Variants in DAAM1 observed in about 807,000 individuals in gnomAD.
The protein encoded by DAAM1 is disheveled-associated activator of morphogenesis 1.
A neutral mutation model predicts 130.0 loss-of-function variants in DAAM1; 52 were observed. The ratio of observed to expected loss-of-function variants is 0.40; its 90% confidence interval spans 0.32 to 0.50. The LOEUF is 0.50. Ranked by LOEUF, DAAM1 falls within the 20% of genes least tolerant of loss-of-function variation. The pLI, the probability that DAAM1 is intolerant of heterozygous loss-of-function variation, is 0.61. For synonymous variants in DAAM1, 452 were observed against 444.5 expected, an observed-to-expected ratio of 1.02 and a Z score of -0.21; for missense variants, 1,134 against 1,303.8, an observed-to-expected ratio of 0.87 and a Z score of 2.01.
chr14:59,320,407 A>C lies in DAAM1; in HGVS notation c.346-83A>C, dbSNP rs575068333. The C allele has an allele frequency of 2.5e-4, 271 of 1,075,934 alleles. 2 individuals are homozygous for C. In the East Asian group the frequency reaches 6.7e-3, roughly 27 times the overall value. 66.6% of individuals were successfully genotyped at this position (1,075,934 alleles called of 1,614,324 possible). A position where few individuals can be genotyped will look rare whatever the true frequency, so the allele number is the denominator to read the frequency against. On this transcript the variant is annotated intron_variant, in intron 4 of 24. Transcript: ENST00000360909. ...GTTGTTTATATTTAAAGTGATAGTG[A>C]CAAATAATCTGTAGGTTTGTCTTGT...
At chr14:59,293,775 A>G (rs1347503892) in intron 3 of DAAM1, among the ~76,000 whole-genome samples, 2 of 152,236 alleles carry the variant, frequency 1.3e-5, no homozygotes, top group African/African-American at 4.8e-5. Flanking sequence ...TCACTGCAAT[A>G]AATTGGGAAA....
chr14:59,292,234 CTT>C (rs1355568596), intron 3 of DAAM1, among the ~76,000 whole-genome samples: 1 of 152,218 alleles, frequency 6.6e-6, no homozygotes, highest in Non-Finnish European at 1.5e-5. Flanking sequence ...GCAGTGGACA[CTT>C]TGATGACTCA....
At position 59,238,097 on chromosome 14, in the gene DAAM1, A is replaced by G. The variant is rs111697752; in HGVS notation, c.-37-25344A>G. ...GTGTTTTATGTTTTTTTAAAATGAG[A>G]TGTCTTCATGACCTTGTAAATGAGA... On this transcript the variant is annotated intron_variant, in intron 1 of 24. Coordinates refer to ENST00000360909, the MANE Select transcript of DAAM1 (RefSeq NM_001270520.2). 1.6e-3 allele frequency among the ~76,000 whole-genome samples: 250 copies of G among 152,174 alleles called. 2 individuals carry two copies. Among genetic ancestry groups the G allele is most frequent in the African/African-American group, 5.6e-3 (232 of 41,522 alleles).
At chr14:59,278,528 G>GT (rs1883070663) in intron 2 of DAAM1, among the ~76,000 whole-genome samples, 1 of 152,064 alleles carries the variant, frequency 6.6e-6, no homozygotes, top group Non-Finnish European at 1.5e-5. Flanking sequence ...TTGGCTAGAG[G>GT]TAACTGAAAT....
chr14:59,288,765 C>CT (rs1289192341), intron 2 of DAAM1, among the ~76,000 whole-genome samples: 1 of 150,836 alleles, frequency 6.6e-6, no homozygotes, highest in Non-Finnish European at 1.5e-5. Context: ...GGAAGCATGA[C>CT]TGGGGGGCCT....
At chr14:59,235,054 A>G (rs951814885) in intron 1 of DAAM1, among the ~76,000 whole-genome samples, 1 of 152,020 alleles carries the variant, frequency 6.6e-6, no homozygotes, top group Non-Finnish European at 1.5e-5. Context: ...CCAGTATTTT[A>G]TTGAGGATTT....
At chr14:59,244,456 C>G (rs1049105941) in intron 1 of DAAM1, among the ~76,000 whole-genome samples, 2 of 152,078 alleles carry the variant, frequency 1.3e-5, no homozygotes, top group Non-Finnish European at 2.9e-5. Flanking sequence ...CTTGAGAAGC[C>G]GGGGGTGTAT....
At chr14:59,270,360 G>A (rs905699204) in intron 2 of DAAM1, among the ~76,000 whole-genome samples, 5 of 152,180 alleles carry the variant, frequency 3.3e-5, no homozygotes, top group Admixed American at 6.5e-5. Context: ...GAGATCACGT[G>A]GCCAGAGAAG....
chr14:59,271,230 T>C (rs1393640998), intron 2 of DAAM1, among the ~76,000 whole-genome samples: 4 of 152,166 alleles, frequency 2.6e-5, no homozygotes, highest in Admixed American at 2.0e-4. Flanking sequence ...ATGTAAAATA[T>C]TTTAAAGAAA....
chr14:59,362,148 C>T (rs1453585886), intron 22 of DAAM1: 1 of 151,708 alleles, frequency 6.6e-6, no homozygotes, highest in Non-Finnish European at 1.5e-5. Context: ...GCTCTGACCC[C>T]TGCTTCTGAG....
rs28687670 is a variant in DAAM1 at position 59,256,112 on chromosome 14, A to G, written c.-37-7329A>G. On this transcript the variant is annotated intron_variant, in intron 1 of 24. Coordinates refer to ENST00000360909, the MANE Select transcript of DAAM1 (RefSeq NM_001270520.2). ...TGATGGATCAATTAAAATAGTCTGC[A>G]TATCAGCAAAAATCTGTTTTGTTTA... is the stretch of plus-strand genomic sequence containing the variant. Among the ~76,000 whole-genome samples the G allele has an allele frequency of 2.4e-3, 371 of 152,352 alleles. 1 individual carries two copies. Among genetic ancestry groups the G allele is most frequent in the African/African-American group, 8.4e-3 (351 of 41,588 alleles).
chr14:59,318,947 T>C (rs770054928), intron 4 of DAAM1, among the ~76,000 whole-genome samples: 3 of 152,182 alleles, frequency 2.0e-5, no homozygotes, highest in African/African-American at 4.8e-5. Context: ...GTGTAGTCAT[T>C]AATTTGGGGA....
At chr14:59,223,472 A>AT (rs1239037524) in intron 1 of DAAM1, among the ~76,000 whole-genome samples, 2 of 152,138 alleles carry the variant, frequency 1.3e-5, no homozygotes, top group Non-Finnish European at 2.9e-5. Context: ...GCTGCAATTC[A>AT]TTTGTAGGAT....
At chr14:59,274,782 C>G (rs536296681) in intron 2 of DAAM1, among the ~76,000 whole-genome samples, 1 of 152,294 alleles carries the variant, frequency 6.6e-6, no homozygotes, top group South Asian at 2.1e-4. Flanking sequence ...TGCCTGCACC[C>G]TATCCACCTG....
intron 23 of DAAM1, among the ~76,000 whole-genome samples, chr14:59,366,243 T>A (rs1224195891): frequency 6.6e-6 from 1 of 152,104 alleles, no homozygotes; most frequent in Non-Finnish European, 1.5e-5. Flanking sequence ...AAATTTTTTT[T>A]AAAGATTGGC....
At chr14:59,327,364 T>A (rs1360625382) in intron 12 of DAAM1, among the ~76,000 whole-genome samples, 2 of 147,370 alleles carry the variant, frequency 1.4e-5, no homozygotes, top group Non-Finnish European at 3.0e-5. Context: ...TGAGGAATTA[T>A]CCAAAATTTT....
intron 1 of DAAM1, among the ~76,000 whole-genome samples, chr14:59,192,210 G>T (rs2139377229): frequency 6.7e-6 from 1 of 149,426 alleles, no homozygotes; most frequent in East Asian, 2.0e-4. Context: ...GAGCTACTTT[G>T]TTTAAAAGGC....
Position 59,225,129 on chromosome 14 carries a change from G to T in DAAM1, c.-38+36361G>T, listed in dbSNP as rs1046152871. Reference sequence around the variant, plus strand: ...TGCAACCTCTGCCTCCTGGGTTCAAGTGATTCTTCTGCCTCAGCCTCCCGA... The same window carrying T: ...TGCAACCTCTGCCTCCTGGGTTCAATTGATTCTTCTGCCTCAGCCTCCCGA... On this transcript the variant is annotated intron_variant, in intron 1 of 24. Transcript: ENST00000360909. Among the ~76,000 whole-genome samples the T allele has an allele frequency of 1.5e-4, 22 of 143,386 alleles. No individual in the cohort carries two copies. In the East Asian group the frequency reaches 4.7e-3, roughly 31 times the overall value. 94.1% of individuals were successfully genotyped at this position (143,386 alleles called of 152,430 possible).
At chr14:59,260,965 G>A (rs536638573) in intron 1 of DAAM1, among the ~76,000 whole-genome samples, 13 of 152,268 alleles carry the variant, frequency 8.5e-5, no homozygotes, top group Non-Finnish European at 1.5e-4. Context: ...GGATATTTTT[G>A]AGGAAGTAGG....
Sources: gnomAD v4.1 joint callset for allele counts (sites outside exome capture counted in the v4.1 genomes callset) on GRCh38, gnomAD v4.1.1 for gene constraint, MANE v1.5 for transcripts, NCBI Gene and HGNC (gene_info 2026-07-23, HGNC 2026-07-21) for gene names.